The following SYNPO2 variants were observed in gnomAD, a reference collection of about 807,000 sequenced individuals.
The protein encoded by SYNPO2 is synaptopodin 2.
Under a neutral mutation model 85.0 loss-of-function variants are expected in SYNPO2, and 56 were observed. That is an observed-to-expected ratio of 0.66 (90% confidence interval 0.53 to 0.82). SYNPO2 has a LOEUF of 0.82. SYNPO2 is among the 40% of genes least tolerant of loss of function. The pLI is 0.00. For missense variants in SYNPO2, 1,575 were observed against 1,534.2 expected (o/e 1.03, Z -0.44); for synonymous variants, 602 against 591.1 (o/e 1.02, Z -0.27).
At chr4:118,997,380 T>C (rs1455684595) in intron 1 of SYNPO2, among the ~76,000 whole-genome samples, 1 of 152,190 alleles carries the variant, frequency 6.6e-6, no homozygotes, top group Non-Finnish European at 1.5e-5. Flanking sequence ...ATGCAGATTC[T>C]AAACCAGTTT....
At chr4:118,937,771 T>C (rs1488452184) in intron 1 of SYNPO2, among the ~76,000 whole-genome samples, 1 of 152,226 alleles carries the variant, frequency 6.6e-6, no homozygotes, top group Admixed American at 6.5e-5. Flanking sequence ...ATAATAGGTG[T>C]TCAATCTATA....
chr4:119,036,811 G>A (rs1738531079), intron 4 of SYNPO2: 1 of 1,021,802 alleles, frequency 9.8e-7, no homozygotes, highest in South Asian at 4.6e-5. Flanking sequence ...GGAAATCACA[G>A]CACTACTCAG....
In SYNPO2 at chr4:118,880,330, A is replaced by G. The variant is rs76228523; in HGVS notation, c.12+29390A>G. Among the ~76,000 whole-genome samples the G allele has an allele frequency of 1.3e-4, 20 of 152,266 alleles. No individual in the cohort carries two copies. The East Asian group carries it at 2.1e-3, about 16-fold the overall frequency. On this transcript the variant is annotated intron_variant, in intron 1 of 4. Transcript: ENST00000610556. ...GGGGGAATTATGTCCCTCCAAGTTC[A>G]TATGTTGAAGACCTAATCTCCAGTA...
intron 1 of SYNPO2, among the ~76,000 whole-genome samples, chr4:118,903,230 A>G (rs1198098639): frequency 6.6e-6 from 1 of 152,190 alleles, no homozygotes; most frequent in East Asian, 1.9e-4. Flanking sequence ...TTTCCTTGAA[A>G]CTAGATAATT....
At chr4:118,858,273 C>T (rs1487354784) in intron 1 of SYNPO2, among the ~76,000 whole-genome samples, 1 of 152,186 alleles carries the variant, frequency 6.6e-6, no homozygotes, top group Non-Finnish European at 1.5e-5. Context: ...GTACATTAGA[C>T]ACTTTTCATT....
chr4:119,040,494 G>A (rs185401668), intron 4 of SYNPO2, among the ~76,000 whole-genome samples: 1 of 151,882 alleles, frequency 6.6e-6, no homozygotes, highest in Admixed American at 6.6e-5. Context: ...TCTTTTCGTG[G>A]TATACAAAGA....
intron 1 of SYNPO2, among the ~76,000 whole-genome samples, chr4:118,917,312 A>G (rs1733373005): frequency 6.6e-6 from 1 of 152,106 alleles, no homozygotes; most frequent in Non-Finnish European, 1.5e-5. Context: ...AATCGCTTGA[A>G]CCCAGGAGGC....
In SYNPO2 at chr4:119,017,800, T is replaced by C. The variant is rs1053059911; in HGVS notation, c.106-5630T>C. 2.6e-5 allele frequency among the ~76,000 whole-genome samples: 4 copies of C among 152,328 alleles called. No homozygotes were observed. The South Asian group carries it at 8.3e-4, about 32-fold the overall frequency. On this transcript the variant is annotated intron_variant, in intron 1 of 4. Coordinates refer to ENST00000307142, the MANE Select transcript of SYNPO2 (RefSeq NM_133477.3). ...TCCAACAGTACTTGTCAATGAATTA[T>C]ACATGAAAATGCAGCTCCTGAGACA...
chr4:118,891,184 C>G (rs10518320), intron 1 of SYNPO2, among the ~76,000 whole-genome samples: 17,438 of 152,124 alleles, frequency 0.11, 1,126 homozygotes, highest in East Asian at 0.18. Context: ...TCCTAAAATA[C>G]CCAGCAATAC....
chr4:118,954,606 G>T (rs1225912729), intron 1 of SYNPO2, among the ~76,000 whole-genome samples: 4 of 152,174 alleles, frequency 2.6e-5, no homozygotes, highest in Non-Finnish European at 4.4e-5. Flanking sequence ...ATACTTATTT[G>T]TATTCTTGAA....
At chr4:119,014,378 C>T (rs949112509) in intron 1 of SYNPO2, among the ~76,000 whole-genome samples, 12 of 152,080 alleles carry the variant, frequency 7.9e-5, no homozygotes, top group Non-Finnish European at 1.3e-4. Flanking sequence ...TGCGTCTCTG[C>T]CCTCCAGCCT....
chr4:119,036,528 C>T, intron 4 of SYNPO2: 1 of 985,436 alleles, frequency 1.0e-6, no homozygotes, highest in South Asian at 4.7e-5. Context: ...GGCCACAAAG[C>T]AGGCTAATAA....
At chr4:118,860,038 G>A (rs1468197259) in intron 1 of SYNPO2, among the ~76,000 whole-genome samples, 1 of 152,166 alleles carries the variant, frequency 6.6e-6, no homozygotes, top group African/African-American at 2.4e-5. Context: ...CACCAACAGT[G>A]TACGAGGGTT....
chr4:118,922,508 G>T (rs1400568150), intron 1 of SYNPO2, among the ~76,000 whole-genome samples: 1 of 151,850 alleles, frequency 6.6e-6, no homozygotes, highest in Non-Finnish European at 1.5e-5. Flanking sequence ...GCTTGATGGT[G>T]TAGTCAAACA....
chr4:118,876,851 C>T (rs1200297426), intron 1 of SYNPO2, among the ~76,000 whole-genome samples: 1 of 151,146 alleles, frequency 6.6e-6, no homozygotes, highest in African/African-American at 2.4e-5. Flanking sequence ...AGTGCAGTGG[C>T]ATAATCATGA....
At chr4:119,048,831 GT>G (rs1738951981) in intron 4 of SYNPO2, among the ~76,000 whole-genome samples, 2 of 152,198 alleles carry the variant, frequency 1.3e-5, no homozygotes, top group African/African-American at 2.4e-5. Context: ...GGCAGATTTT[GT>G]GGGGTCTTGT....
chr4:119,046,247 A>G (rs1431456459), intron 4 of SYNPO2, among the ~76,000 whole-genome samples: 2 of 152,240 alleles, frequency 1.3e-5, no homozygotes, highest in Non-Finnish European at 2.9e-5. Context: ...GTATATGCAC[A>G]CATTCCTCCT....
intron 1 of SYNPO2, among the ~76,000 whole-genome samples, chr4:118,900,697 CTCTCTCTATATATATATATATA>C (rs1271513244): frequency 1.3e-3 from 48 of 37,180 alleles, no homozygotes; most frequent in African/African-American, 3.8e-3. Flanking sequence ...CTCTCTCTCT[CTCTCTCTATATATATATATATA>C]TATATATATA....
intron 1 of SYNPO2, among the ~76,000 whole-genome samples, chr4:118,879,530 C>G (rs537862410): frequency 6.6e-6 from 1 of 152,196 alleles, no homozygotes; most frequent in African/African-American, 2.4e-5. Context: ...AGACAGTCAT[C>G]TACAAACCAG....
Sources: allele counts gnomAD v4.1 joint callset (sites outside exome capture counted in the v4.1 genomes callset), GRCh38; gene constraint gnomAD v4.1.1; transcripts MANE v1.5; gene names NCBI Gene and HGNC (gene_info 2026-07-23, HGNC 2026-07-21).